Variants in GLDC observed in about 807,000 individuals in gnomAD.
The protein encoded by GLDC is glycine decarboxylase, also known as glycine dehydrogenase (decarboxylating), mitochondrial.
In GLDC, 104 loss-of-function variants were observed where a neutral mutation model predicts 121.3. That is an observed-to-expected ratio of 0.86 (90% confidence interval 0.73 to 1.01). The LOEUF is 1.01. Among genes scored for constraint, GLDC ranks in the 50% least tolerant of loss-of-function variants. The pLI is 0.00. For missense variants in GLDC, 1,429 were observed against 1,306.6 expected (o/e 1.09, Z -1.44); for synonymous variants, 546 against 480.6 (o/e 1.14, Z -1.78).
chr9:6,533,824 C>T (rs1017327253), intron 24 of GLDC, among the ~76,000 whole-genome samples: 7 of 149,944 alleles, frequency 4.7e-5, no homozygotes, highest in African/African-American at 1.7e-4. Context: ...TGCCATTGCA[C>T]TCCAGCCTGG....
intron 15 of GLDC, among the ~76,000 whole-genome samples, chr9:6,576,328 G>A (rs963248494): frequency 7.2e-5 from 11 of 152,238 alleles, no homozygotes; most frequent in African/African-American, 2.6e-4. Flanking sequence ...ATGGTGGAAG[G>A]GGTAAAGAGC....
chr9:6,612,417 A>G (rs568582117), intron 3 of GLDC, among the ~76,000 whole-genome samples: 1 of 152,096 alleles, frequency 6.6e-6, no homozygotes, highest in Non-Finnish European at 1.5e-5. Flanking sequence ...TTCAAAAAAG[A>G]AAGAAAGAAA....
chr9:6,565,281 C>G (rs549818490), intron 16 of GLDC, 73 bp downstream of exon 16: 2 of 1,044,660 alleles, frequency 1.9e-6, no homozygotes, highest in Non-Finnish European at 3.0e-6. Context: ...AGGGAGTGTC[C>G]CACAGAAGGG....
intron 24 of GLDC, 51 bp from the exon 25 acceptor site, chr9:6,533,211 CT>C: frequency 6.4e-7 from 1 of 1,562,916 alleles, no homozygotes; most frequent in Non-Finnish European, 8.8e-7. Flanking sequence ...GGAGGTTTCT[CT>C]TAGGGCAAAG....
intron 22 of GLDC, among the ~76,000 whole-genome samples, chr9:6,538,242 CA>C: frequency 6.6e-6 from 1 of 152,070 alleles, no homozygotes; most frequent in Admixed American, 6.5e-5. Flanking sequence ...GAAGTTCTTG[CA>C]AAAGAAATTC....
At chr9:6,577,882 C>A (rs993588266) in intron 15 of GLDC, among the ~76,000 whole-genome samples, 11 of 151,336 alleles carry the variant, frequency 7.3e-5, no homozygotes, top group African/African-American at 2.7e-4. Context: ...GTACTTCTTT[C>A]TCTGTTGTTT....
rs1819331649 is a variant in GLDC at position 6,629,954 on chromosome 9, T to TAC, written c.335-9636_335-9635insGT. ...CTATATATATATATATGTATATATA[T>TAC]ATATTTTTTTTTTTTAAGAGAGACA... On this transcript the variant is annotated intron_variant, in intron 2 of 24. Coordinates refer to ENST00000321612, the MANE Select transcript of GLDC (RefSeq NM_000170.3). Among the ~76,000 whole-genome samples, 4 of 87,104 alleles carry TAC rather than the reference T, an allele frequency of 4.6e-5. 1 individual carries two copies. The highest frequency in any genetic ancestry group is 1.7e-4 in the African/African-American group (3 of 17,338). 57.1% of individuals were successfully genotyped at this position (87,104 alleles called of 152,430 possible). A position where few individuals can be genotyped will look rare whatever the true frequency, so the allele number is the denominator to read the frequency against.
Position 6,533,154 on chromosome 9 carries a change from C to A in GLDC, c.2926G>T (p.Val976Leu). The A allele has an allele frequency of 6.2e-7, 1 of 1,613,586 alleles. No individual in the cohort carries two copies. The highest frequency in any genetic ancestry group is 8.5e-7 in the Non-Finnish European group (1 of 1,179,614). ...GGCCAGAATTTGTTCTCTGGTTTCACGAAGGGCTGCAAAGGACAAAAGATG... is the reference window on the plus strand; with the variant it reads ...GGCCAGAATTTGTTCTCTGGTTTCAAGAAGGGCTGCAAAGGACAAAAGATG... ...REVAAFPLPF[V>L]KPENKFWPTI... The change falls in exon 25 of 25, where the codon GTG becomes TTG. Residue 976 changes from valine (V) to leucine (L), a missense_variant. Transcript: ENST00000321612.
intron 15 of GLDC, among the ~76,000 whole-genome samples, chr9:6,586,630 T>G (rs1818277265): frequency 6.6e-6 from 1 of 152,184 alleles, no homozygotes; most frequent in African/African-American, 2.4e-5. Context: ...CACTGACAGG[T>G]GTAGTAAGCT....
intron 3 of GLDC, among the ~76,000 whole-genome samples, chr9:6,619,585 G>A (rs567225627): frequency 4.2e-4 from 64 of 152,096 alleles, no homozygotes; most frequent in Non-Finnish European, 5.9e-4. Flanking sequence ...AAAATTAGCC[G>A]GGGGTGGTTG....
chr9:6,633,996 A>AT (rs1819446396), intron 2 of GLDC, among the ~76,000 whole-genome samples: 2 of 151,046 alleles, frequency 1.3e-5, no homozygotes, highest in Admixed American at 6.6e-5. Flanking sequence ...GGCCCAGCTA[A>AT]TTTTTTTGTA....
chr9:6,631,870 C>G (rs1819389253), intron 2 of GLDC, among the ~76,000 whole-genome samples: 1 of 152,132 alleles, frequency 6.6e-6, no homozygotes, highest in Non-Finnish European at 1.5e-5. Context: ...AGTTTGAGAC[C>G]AGCCTAGGCA....
chr9:6,556,612 G>C, intron 17 of GLDC, among the ~76,000 whole-genome samples: 1 of 151,170 alleles, frequency 6.6e-6, no homozygotes, highest in South Asian at 2.1e-4. Flanking sequence ...GGCCAACATG[G>C]TGAAACCCCG....
At chr9:6,605,793 G>C (rs1162365665) in intron 5 of GLDC, 1 of 218,656 alleles carries the variant, frequency 4.6e-6, no homozygotes, top group Non-Finnish European at 9.2e-6. Flanking sequence ...TACCAATAGT[G>C]GTTGTTGCGA....
rs1819576398 is a variant in GLDC, at chr9:6,639,261, C to A, written c.334+5353G>T. On this transcript the variant is annotated intron_variant, in intron 2 of 24. Transcript: ENST00000321612. ...CCACAGCCACAAAAAAAAAGAAGAT[C>A]CGCACATCACCCACCTTCCGGCGGT... 5 of 901,220 alleles carry A rather than the reference C, an allele frequency of 5.5e-6. No individual in the cohort carries two copies. In the South Asian group the frequency reaches 6.5e-5, roughly 12 times the overall value. 55.8% of individuals were successfully genotyped at this position (901,220 alleles called of 1,614,324 possible).
At chr9:6,550,191 A>G (rs1020544446) in intron 21 of GLDC, among the ~76,000 whole-genome samples, 7 of 152,228 alleles carry the variant, frequency 4.6e-5, no homozygotes, top group African/African-American at 1.7e-4. Flanking sequence ...TTCAAGGCAT[A>G]TCATAGCACT....
At chr9:6,583,964 A>G (rs1818218537) in intron 15 of GLDC, among the ~76,000 whole-genome samples, 1 of 152,252 alleles carries the variant, frequency 6.6e-6, no homozygotes, top group Non-Finnish European at 1.5e-5. Context: ...TGGCTGTACA[A>G]CAGTGTGAAT....
chr9:6,608,482 T>C (rs1029334562), intron 4 of GLDC, among the ~76,000 whole-genome samples: 1 of 149,660 alleles, frequency 6.7e-6, no homozygotes, highest in African/African-American at 2.5e-5. Context: ...GGCTCACGCC[T>C]ATAATCCCAG....
At chr9:6,601,530 A>T (rs1229824705) in intron 8 of GLDC, among the ~76,000 whole-genome samples, 5 of 152,054 alleles carry the variant, frequency 3.3e-5, no homozygotes, top group Non-Finnish European at 7.4e-5. Context: ...TATTTTTTTT[A>T]GTATTAAAAC....
Sources: allele counts gnomAD v4.1 joint callset (sites outside exome capture counted in the v4.1 genomes callset), GRCh38; gene constraint gnomAD v4.1.1; transcripts MANE v1.5; gene names NCBI Gene and HGNC (gene_info 2026-07-23, HGNC 2026-07-21).